The following PCDHA3 variants were observed in gnomAD, a reference collection of about 807,000 sequenced individuals.
PCDHA3 encodes the protein protocadherin alpha-3.
PCDHA3 carries 41 observed loss-of-function variants against 62.2 expected under a neutral mutation model. The ratio of observed to expected loss-of-function variants is 0.66; its 90% CI spans 0.51 to 0.86. The LOEUF is 0.86. Among genes scored for constraint, PCDHA3 ranks in the 40% least tolerant of loss-of-function variants. PCDHA3 has a pLI of 0.00. For synonymous variants in PCDHA3, 640 were observed against 555.4 expected (o/e 1.15, Z -2.14); for missense variants, 1,304 against 1,241.2 (o/e 1.05, Z -0.76).
chr5:140,837,902 C>T (rs1358227516), intron 1 of PCDHA3, among the ~76,000 whole-genome samples: 2 of 151,630 alleles, frequency 1.3e-5, no homozygotes, highest in Non-Finnish European at 2.9e-5. Context: ...TGGTCTTGAA[C>T]TCCTGGCTTC....
intron 1 of PCDHA3, chr5:140,928,975 T>C (rs2085693610): frequency 1.9e-6 from 3 of 1,613,806 alleles, no homozygotes; most frequent in African/African-American, 1.3e-5. Context: ...TTCCTTTTTA[T>C]TTCTGGGGTG....
At chr5:140,981,338 G>A (rs1563488090) in intron 2 of PCDHA3, among the ~76,000 whole-genome samples, 1 of 152,100 alleles carries the variant, frequency 6.6e-6, no homozygotes, top group Non-Finnish European at 1.5e-5. Context: ...CTTTGGGAGG[G>A]TGAGGCAGGT....
chr5:140,966,578 G>A, intron 1 of PCDHA3: 1 of 527,316 alleles, frequency 1.9e-6, no homozygotes, highest in Non-Finnish European at 3.1e-6. Context: ...GGGAGTCAGC[G>A]AGGACGGTGG....
At chr5:140,978,767 AC>A (rs1167493285) in intron 1 of PCDHA3, among the ~76,000 whole-genome samples, 181 bp from the exon 2 acceptor site, 4 of 152,342 alleles carry the variant, frequency 2.6e-5, no homozygotes, top group South Asian at 2.1e-4. Flanking sequence ...ACCCTGATGA[AC>A]TAATTTTCTT....
intron 1 of PCDHA3, among the ~76,000 whole-genome samples, chr5:140,955,465 T>C (rs2095187437): frequency 6.6e-6 from 1 of 152,128 alleles, no homozygotes; most frequent in Non-Finnish European, 1.5e-5. Flanking sequence ...TTTTCCTTTT[T>C]GCTTGGCACC....
intron 1 of PCDHA3, among the ~76,000 whole-genome samples, chr5:140,880,485 G>T (rs957327401): frequency 6.6e-6 from 1 of 152,190 alleles, no homozygotes; most frequent in Non-Finnish European, 1.5e-5. Flanking sequence ...GACACAAGAA[G>T]AGAGCAATTG....
At chr5:140,836,601 G>A (rs1774608551) in intron 1 of PCDHA3, 1 of 1,613,748 alleles carries the variant, frequency 6.2e-7, no homozygotes, top group Non-Finnish European at 8.5e-7. Context: ...GCCCACTCTG[G>A]TGTGCTCCAG....
chr5:140,967,012 G>A, intron 1 of PCDHA3: 1 of 1,606,776 alleles, frequency 6.2e-7, no homozygotes, highest in Non-Finnish European at 8.5e-7. Flanking sequence ...TCAACCATCT[G>A]GGTGCGCCCA....
At chr5:140,866,021 G>A (rs2049106478) in intron 1 of PCDHA3, 1 of 152,210 alleles carries the variant, frequency 6.6e-6, no homozygotes, top group Middle Eastern at 3.4e-3. Flanking sequence ...TTTCTTGTAA[G>A]AGTTCGTGAT....
In PCDHA3 at chr5:140,803,470, T is replaced by C. The variant is rs1307758444; in HGVS notation, c.2273T>C (p.Val758Ala). ...TACTCGCAGCAGAGGCAGCAGAGGG[T>C]GTGCTCTGGAGAGGGGTTGCCCAAG... ...WSYSQQRQQR[V>A]CSGEGLPKTD... Residue 758 changes from valine (V) to alanine (A), a missense_variant, in exon 1 of 4, where the codon GTG (valine) becomes GCG (alanine). Transcript: ENST00000522353. 1 of 1,613,888 alleles carries C rather than the reference T, an allele frequency of 6.2e-7. No individual in the cohort carries two copies. The highest frequency in any genetic ancestry group is 8.5e-7 in the Non-Finnish European group (1 of 1,180,034).
At position 140,917,487 on chromosome 5, in the gene PCDHA3, A is replaced by T. The variant is rs1303002890; in HGVS notation, c.2395-61462A>T. Among the ~76,000 whole-genome samples, 3 of 152,232 alleles carry T rather than the reference A, an allele frequency of 2.0e-5. No individual in the cohort carries two copies. The East Asian group carries it at 5.8e-4, about 29-fold the overall frequency. The stretch of plus-strand genomic sequence containing the variant: ...TGTCATGAAATCTTTGCCAGGGCCT[A>T]TGCCCAGAATGATATTTTCTAGGTT... On this transcript the variant is annotated intron_variant, in intron 1 of 3. Coordinates refer to ENST00000522353, the MANE Select transcript of PCDHA3 (RefSeq NM_018906.3).
rs976643195 is a variant in PCDHA3 at position 141,010,391 on chromosome 5, C to A, written c.*454C>A. On this transcript the variant is annotated 3_prime_UTR_variant, in exon 4 of 4. Transcript: ENST00000522353. ...TGCGAGTGCCAGATATTGGCTGAGACGAGCCAGCTTAGACTAATTGGTACA... is the reference window on the plus strand; with the variant it reads ...TGCGAGTGCCAGATATTGGCTGAGAAGAGCCAGCTTAGACTAATTGGTACA... The A allele has an allele frequency of 2.2e-6, 3 of 1,386,760 alleles. No homozygotes were observed. Among genetic ancestry groups the A allele is most frequent in the Non-Finnish European group, 2.9e-6 (3 of 1,041,298 alleles). The allele number at this position is 1,386,760 out of a possible 1,614,324, so 85.9% of individuals were successfully genotyped here.
chr5:140,951,252 A>G (rs568359458), intron 1 of PCDHA3, among the ~76,000 whole-genome samples: 1 of 151,856 alleles, frequency 6.6e-6, no homozygotes, highest in African/African-American at 2.4e-5. Context: ...AATGCATCAC[A>G]TTTTTCTGGT....
chr5:140,858,664 A>G (rs972477672), intron 1 of PCDHA3: 1 of 728,612 alleles, frequency 1.4e-6, no homozygotes, highest in African/African-American at 1.8e-5. Flanking sequence ...TTTAAATAAC[A>G]ATTTATTCTG....
intron 1 of PCDHA3, among the ~76,000 whole-genome samples, chr5:140,962,085 C>T (rs565561726): frequency 2.0e-5 from 3 of 151,950 alleles, no homozygotes; most frequent in Non-Finnish European, 4.4e-5. Context: ...CGGGGTTTCA[C>T]CATGTTAGCC....
In PCDHA3 at chr5:140,863,500, T is replaced by C. The variant is rs536977258; in HGVS notation, c.2394+59909T>C. On this transcript the variant is annotated intron_variant, in intron 1 of 3. Coordinates refer to ENST00000522353, the MANE Select transcript of PCDHA3 (RefSeq NM_018906.3). ...CCTCCCAAGGTCAACATTACGGCTT[T>C]TAGTCCTAGTGTTCTCCCATGGTTC... 36 of 432,458 alleles carry C rather than the reference T, an allele frequency of 8.3e-5. 2 individuals are homozygous for C. Among genetic ancestry groups the C allele is most frequent in the South Asian group, 5.0e-4 (28 of 55,804 alleles). 26.8% of individuals were successfully genotyped at this position (432,458 alleles called of 1,614,324 possible).
At chr5:140,809,250 G>A (rs782209352) in intron 1 of PCDHA3, 6 of 1,614,080 alleles carry the variant, frequency 3.7e-6, no homozygotes, top group Non-Finnish European at 4.2e-6. Flanking sequence ...GGCGCTGTGG[G>A]TCCCGATGCT....
chr5:140,857,419 C>G, intron 1 of PCDHA3: 3 of 1,598,332 alleles, frequency 1.9e-6, no homozygotes, highest in Non-Finnish European at 2.6e-6. Context: ...TCGCGCAGTC[C>G]GAGTACACGG....
At chr5:140,867,257 T>C (rs1396352368) in intron 1 of PCDHA3, 1 of 152,138 alleles carries the variant, frequency 6.6e-6, no homozygotes, top group Non-Finnish European at 1.5e-5. Flanking sequence ...TGTTGTTTCC[T>C]TTTGTTCAAA....
Sources: gnomAD v4.1 joint callset for allele counts (sites outside exome capture counted in the v4.1 genomes callset) on GRCh38, gnomAD v4.1.1 for gene constraint, MANE v1.5 for transcripts, NCBI Gene and HGNC (gene_info 2026-07-23, HGNC 2026-07-21) for gene names.